Variants in PCDH15 observed in about 807,000 individuals in gnomAD.
The protein encoded by PCDH15 is protocadherin related 15, also known as protocadherin-15.
In PCDH15, 129 loss-of-function variants were observed where a neutral mutation model predicts 178.5. That is an observed-to-expected ratio of 0.72 (90% CI 0.63 to 0.84). PCDH15 has a LOEUF of 0.84. PCDH15 is among the 40% of genes least tolerant of loss of function. PCDH15 has a pLI of 0.00. For missense variants in PCDH15, 2,230 were observed against 2,099.9 expected, an observed-to-expected ratio of 1.06 and a Z score of -1.21; for synonymous variants, 800 against 732.0, an observed-to-expected ratio of 1.09 and a Z score of -1.50.
intron 2 of PCDH15, among the ~76,000 whole-genome samples, chr10:54,661,719 A>G (rs1013359799): frequency 6.6e-6 from 1 of 151,900 alleles, no homozygotes; most frequent in Non-Finnish European, 1.5e-5. Flanking sequence ...ACATAGATCT[A>G]TGGACACAAT....
intron 26 of PCDH15, among the ~76,000 whole-genome samples, chr10:53,871,672 C>T (rs751996865): frequency 2.0e-5 from 3 of 152,066 alleles, no homozygotes; most frequent in Admixed American, 6.6e-5. Context: ...TCCCTTATAA[C>T]TCTACTTTTC....
chr10:55,454,976 C>A (rs1397827443), intron 2 of PCDH15, among the ~76,000 whole-genome samples: 1 of 151,798 alleles, frequency 6.6e-6, no homozygotes, highest in African/African-American at 2.4e-5. Context: ...CACATGTATA[C>A]AATGTATATA....
At chr10:55,325,441 C>T (rs1326665049) in intron 2 of PCDH15, among the ~76,000 whole-genome samples, 1 of 152,020 alleles carries the variant, frequency 6.6e-6, no homozygotes, top group Non-Finnish European at 1.5e-5. Flanking sequence ...AGATCTTTGA[C>T]AAAGTCAACA....
intron 2 of PCDH15, among the ~76,000 whole-genome samples, chr10:55,578,547 C>A (rs2132117288): frequency 6.6e-6 from 1 of 152,098 alleles, no homozygotes; most frequent in Non-Finnish European, 1.5e-5. Flanking sequence ...AGTGATAATT[C>A]CCAATGTGTC....
At chr10:54,000,040 A>G (rs549957428) in intron 20 of PCDH15, among the ~76,000 whole-genome samples, 18 of 152,216 alleles carry the variant, frequency 1.2e-4, no homozygotes, top group African/African-American at 4.1e-4. Context: ...AAAGAACAGG[A>G]GTTTCTGCCT....
intron 1 of PCDH15, among the ~76,000 whole-genome samples, chr10:54,703,563 G>A (rs990444070): frequency 6.6e-6 from 1 of 151,854 alleles, no homozygotes; most frequent in Admixed American, 6.6e-5. Flanking sequence ...ACAAAAATCA[G>A]TAGCATTTCT....
At chr10:54,170,801 C>T (rs1417241014) in intron 13 of PCDH15, among the ~76,000 whole-genome samples, 1 of 151,884 alleles carries the variant, frequency 6.6e-6, no homozygotes, top group Non-Finnish European at 1.5e-5. Flanking sequence ...TGCTATAGTA[C>T]AAGCCACTAG....
At chr10:55,092,402 T>C (rs979355923) in intron 2 of PCDH15, among the ~76,000 whole-genome samples, 1 of 151,796 alleles carries the variant, frequency 6.6e-6, no homozygotes, top group African/African-American at 2.4e-5. Context: ...TCATGAAAAC[T>C]TGAAGAAAAC....
intron 26 of PCDH15, among the ~76,000 whole-genome samples, chr10:53,899,159 G>A (rs1417660462): frequency 6.7e-6 from 1 of 148,806 alleles, no homozygotes; most frequent in Non-Finnish European, 1.5e-5. Flanking sequence ...GGGTGGTCTA[G>A]TTTACTAGAA....
chr10:53,940,833 G>T lies in PCDH15; in HGVS notation c.3232+33C>A, dbSNP rs748967092. 5 of 1,446,406 alleles carry T rather than the reference G, an allele frequency of 3.5e-6. No homozygotes were observed. The Admixed American group carries it at 6.7e-5, about 19-fold the overall frequency. The allele number at this position is 1,446,406 out of a possible 1,614,324, so 89.6% of individuals were successfully genotyped here. Reference sequence around the variant, plus strand: ...TAGGCCAAATCTAAGTTTACTGGTTGATGGTGAGAACACAAACTAAAAGTC... The same window carrying T: ...TAGGCCAAATCTAAGTTTACTGGTTTATGGTGAGAACACAAACTAAAAGTC... On this transcript the variant is annotated intron_variant, in intron 24 of 37. Coordinates refer to ENST00000644397, the MANE Select transcript of PCDH15 (RefSeq NM_001384140.1).
At chr10:54,484,579 A>G (rs2078963838) in intron 3 of PCDH15, among the ~76,000 whole-genome samples, 1 of 151,970 alleles carries the variant, frequency 6.6e-6, no homozygotes, top group African/African-American at 2.4e-5. Context: ...AGTGAATAGT[A>G]GCTATAAATC....
At chr10:55,556,204 T>G (rs1842088268) in intron 2 of PCDH15, among the ~76,000 whole-genome samples, 1 of 152,152 alleles carries the variant, frequency 6.6e-6, no homozygotes, top group Non-Finnish European at 1.5e-5. Flanking sequence ...ATTGCCCTAG[T>G]GGTGAACACT....
intron 2 of PCDH15, among the ~76,000 whole-genome samples, chr10:54,656,244 C>G (rs964497362): frequency 6.6e-6 from 1 of 151,984 alleles, no homozygotes; most frequent in Non-Finnish European, 1.5e-5. Flanking sequence ...CAGGACCTGT[C>G]AGAGAACCCA....
rs555917647 is a variant in PCDH15, at chr10:55,114,144, G to T, written c.-80+52432C>A. 2.6e-5 allele frequency among the ~76,000 whole-genome samples: 4 copies of T among 151,994 alleles called. No individual in the cohort carries two copies. In the East Asian group the frequency reaches 7.8e-4, roughly 30 times the overall value. On this transcript the variant is annotated intron_variant, in intron 2 of 5. Transcript: ENST00000458638. Reference sequence around the variant, plus strand: ...CTTTTTGTATTTTTGGTAGAGACGGGGTTTCACCGTGTTAGCCAGGATGGT... The same window carrying T: ...CTTTTTGTATTTTTGGTAGAGACGGTGTTTCACCGTGTTAGCCAGGATGGT...
intron 3 of PCDH15, among the ~76,000 whole-genome samples, chr10:54,864,012 A>ATGCAC (rs1286762664): frequency 1.3e-5 from 2 of 152,218 alleles, no homozygotes; most frequent in Non-Finnish European, 2.9e-5. Flanking sequence ...CCATCATGCC[A>ATGCAC]TGTAGATCAG....
chr10:54,547,810 T>C (rs2086032701), intron 2 of PCDH15, among the ~76,000 whole-genome samples: 1 of 152,090 alleles, frequency 6.6e-6, no homozygotes. Flanking sequence ...CGAACAAAAG[T>C]GCTGTGTCAT....
chr10:54,923,440 G>A (rs1036715064), intron 2 of PCDH15, among the ~76,000 whole-genome samples: 1 of 138,080 alleles, frequency 7.2e-6, no homozygotes, highest in African/African-American at 2.5e-5. Flanking sequence ...CAGTAAATGG[G>A]GTTTTCTTTT....
At chr10:54,649,185 C>T (rs1010325967) in intron 2 of PCDH15, among the ~76,000 whole-genome samples, 19 of 151,986 alleles carry the variant, frequency 1.3e-4, no homozygotes, top group Admixed American at 3.3e-4. Context: ...GCTAATAATC[C>T]GACATGAGCA....
chr10:55,248,855 C>A (rs4497307), intron 1 of PCDH15, among the ~76,000 whole-genome samples: 1,604 of 152,232 alleles, frequency 0.011, 39 homozygotes, highest in African/African-American at 0.037. Flanking sequence ...CCATGCCTAG[C>A]CAATTCTTTC....
Sources: gnomAD v4.1 joint callset for allele counts (sites outside exome capture counted in the v4.1 genomes callset) on GRCh38, gnomAD v4.1.1 for gene constraint, MANE v1.5 for transcripts, NCBI Gene and HGNC (gene_info 2026-07-23, HGNC 2026-07-21) for gene names.